Variants in PCF11 observed in about 807,000 individuals in gnomAD.
PCF11 encodes pre-mRNA cleavage complex 2 protein Pcf11.
In PCF11, 19 loss-of-function variants were observed where a neutral mutation model predicts 166.1. That is an observed-to-expected ratio of 0.11 (90% CI 0.08 to 0.17). The LOEUF (loss-of-function observed/expected upper bound fraction) is 0.17. Among genes scored for constraint, PCF11 ranks in the 10% least tolerant of loss-of-function variants. PCF11 has a pLI of 1.00. For missense variants in PCF11, 1,565 were observed against 1,855.5 expected (o/e 0.84, Z 2.88); for synonymous variants, 663 against 644.1 (o/e 1.03, Z -0.44).
intron 7 of PCF11, among the ~76,000 whole-genome samples, 196 bp from the exon 8 acceptor site, chr11:83,168,232 T>C (rs920268769): frequency 4.6e-5 from 7 of 152,172 alleles, no homozygotes; most frequent in Non-Finnish European, 1.0e-4. Flanking sequence ...AATTAGTATG[T>C]TGATAGGATG....
At chr11:83,166,485 C>A (rs748415366) in exon 5 of PCF11, 1 of 1,613,916 alleles carries the variant, frequency 6.2e-7, no homozygotes, top group Non-Finnish European at 8.5e-7. Flanking sequence ...TAAGCAGTCA[C>A]ATATGGAAGA....
At position 83,168,350 on chromosome 11, in the gene PCF11, T is replaced by C. The variant is rs1169744034; in HGVS notation, c.2093-78T>C. On this transcript the variant is annotated intron_variant, in intron 7 of 15. Coordinates refer to ENST00000298281, the Ensembl canonical transcript of PCF11. ...CCTCTAATGTAGTGAGATAGTTATATATTTGGATAAACATTCATACGAAAA... is the reference window on the plus strand; with the variant it reads ...CCTCTAATGTAGTGAGATAGTTATACATTTGGATAAACATTCATACGAAAA... 21 of 1,297,116 alleles carry C rather than the reference T, an allele frequency of 1.6e-5. No individual in the cohort carries two copies. In the Admixed American group the frequency reaches 5.7e-4, roughly 35 times the overall value. 80.4% of individuals were successfully genotyped at this position (1,297,116 alleles called of 1,614,324 possible). A position where few individuals can be genotyped will look rare whatever the true frequency, so the allele number is the denominator to read the frequency against.
At chr11:83,184,765 A>G (rs1861216431) in exon 16 of PCF11, 1 of 1,612,540 alleles carries the variant, frequency 6.2e-7, no homozygotes, top group Non-Finnish European at 8.5e-7. Flanking sequence ...TCAAAAACGA[A>G]TTGCAGGAAC....
exon 5 of PCF11, chr11:83,165,962 A>G: frequency 6.2e-7 from 1 of 1,603,324 alleles, no homozygotes; most frequent in Non-Finnish European, 8.5e-7. Context: ...TAACCAAGAA[A>G]GAACTTGACC....
At chr11:83,171,199 C>A (rs764352024) in intron 8 of PCF11, 21 of 405,332 alleles carry the variant, frequency 5.2e-5, no homozygotes, top group Non-Finnish European at 9.3e-5. Context: ...TTTTAACATT[C>A]CCTTTGACAT....
At chr11:83,161,244 T>C in intron 1 of PCF11, 83 bp from the exon 2 acceptor site, 1 of 1,065,868 alleles carries the variant, frequency 9.4e-7, no homozygotes, top group Non-Finnish European at 1.4e-6. Flanking sequence ...TAGAGGTCTG[T>C]ATTGTAGGTT....
chr11:83,169,267 G>A, exon 8 of PCF11: 1 of 1,612,406 alleles, frequency 6.2e-7, no homozygotes, highest in Non-Finnish European at 8.5e-7. Context: ...TCAACTTGGT[G>A]GGAACCTTAG....
At chr11:83,181,900 A>G in exon 13 of PCF11, 2 of 1,612,076 alleles carry the variant, frequency 1.2e-6, no homozygotes, top group Non-Finnish European at 1.7e-6. Flanking sequence ...GAACGGGCAA[A>G]GAGCCAGTTT....
chr11:83,171,323 G>C (rs1452866397), intron 8 of PCF11: 1 of 454,294 alleles, frequency 2.2e-6, no homozygotes, highest in Non-Finnish European at 4.4e-6. Flanking sequence ...AATTAGAACA[G>C]GCTTTTGATA....
chr11:83,182,521 T>A (rs1861117152), intron 14 of PCF11, 30 bp downstream of exon 14: 1 of 1,078,284 alleles, frequency 9.3e-7, no homozygotes, highest in African/African-American at 1.6e-5. Flanking sequence ...AAGGAAGTGT[T>A]AAGATTAGTG....
chr11:83,171,512 C>T (rs1410022779), intron 8 of PCF11, among the ~76,000 whole-genome samples: 1 of 152,204 alleles, frequency 6.6e-6, no homozygotes, highest in Non-Finnish European at 1.5e-5. Context: ...CTTATATTTG[C>T]ATGGTATCTT....
At chr11:83,177,979 T>TAA (rs1860946548) in intron 11 of PCF11, among the ~76,000 whole-genome samples, 160 bp downstream of exon 11, 2 of 150,928 alleles carry the variant, frequency 1.3e-5, no homozygotes, top group Non-Finnish European at 2.9e-5. Flanking sequence ...AAAATATACA[T>TAA]AACATAGTCT....
intron 9 of PCF11, among the ~76,000 whole-genome samples, chr11:83,174,474 C>G (rs890345576): frequency 6.6e-6 from 1 of 151,560 alleles, no homozygotes; most frequent in South Asian, 2.1e-4. Context: ...CCACCTCGGC[C>G]TCCCAAAGTG....
exon 10 of PCF11, chr11:83,177,187 C>T (rs1444741864): frequency 1.3e-6 from 2 of 1,560,016 alleles, no homozygotes; most frequent in Non-Finnish European, 1.7e-6. Context: ...TTGTCCCAAA[C>T]TGATTCAGCT....
intron 8 of PCF11, chr11:83,171,320 A>G (rs1426081773): frequency 6.6e-6 from 3 of 454,752 alleles, no homozygotes; most frequent in Non-Finnish European, 1.3e-5. Flanking sequence ...GCTAATTAGA[A>G]CAGGCTTTTG....
intron 8 of PCF11, among the ~76,000 whole-genome samples, chr11:83,170,451 A>G (rs921890662): frequency 1.3e-5 from 2 of 152,112 alleles, no homozygotes; most frequent in African/African-American, 4.8e-5. Flanking sequence ...ACAGTCTACA[A>G]TTCTTTTTTT....
chr11:83,163,992 A>G (rs969167652), intron 3 of PCF11, 125 bp downstream of exon 3: 2 of 592,864 alleles, frequency 3.4e-6, no homozygotes. Context: ...ATTTGAAAAA[A>G]AAAAAAATAG....
exon 1 of PCF11, chr11:83,157,158 C>T (rs1860015788): frequency 2.1e-5 from 12 of 572,834 alleles, no homozygotes; most frequent in Non-Finnish European, 3.1e-5. Context: ...GGAACACAGA[C>T]ATTTTCGGAG....
chr11:83,176,047 A>G (rs1413181715), intron 9 of PCF11, among the ~76,000 whole-genome samples: 1 of 152,156 alleles, frequency 6.6e-6, no homozygotes, highest in Non-Finnish European at 1.5e-5. Context: ...GTCAGGGAGC[A>G]TTGAGGTCAG....
Sources: gnomAD v4.1 joint callset for allele counts (sites outside exome capture counted in the v4.1 genomes callset) on GRCh38, gnomAD v4.1.1 for gene constraint, MANE v1.5 for transcripts, NCBI Gene and HGNC (gene_info 2026-07-23, HGNC 2026-07-21) for gene names.